The following ROCK1 variants were observed in gnomAD, a reference collection of about 807,000 sequenced individuals.
The protein encoded by ROCK1 is Rho associated coiled-coil containing protein kinase 1.
ROCK1 carries 36 observed loss-of-function variants against 196.8 expected under a neutral mutation model. That is an observed-to-expected ratio of 0.18 (90% CI 0.14 to 0.24). The LOEUF (loss-of-function observed/expected upper bound fraction) is 0.24. Ranked by LOEUF, ROCK1 falls within the 10% of genes least tolerant of loss-of-function variation. The pLI, the probability that ROCK1 is intolerant of heterozygous loss-of-function variation, is 1.00. For synonymous variants in ROCK1, 443 were observed against 515.9 expected (o/e 0.86, Z 1.91); for missense variants, 920 against 1,562.0 (o/e 0.59, Z 6.93).
intron 22 of ROCK1, 70 bp from the exon 23 acceptor site, chr18:20,970,583 TA>T: frequency 2.0e-6 from 2 of 1,001,970 alleles, no homozygotes; most frequent in Non-Finnish European, 2.9e-6. Flanking sequence ...ATCATATTCT[TA>T]AAAACACAAT....
chr18:21,107,187 T>C (rs540792910), intron 1 of ROCK1, among the ~76,000 whole-genome samples: 12 of 152,350 alleles, frequency 7.9e-5, no homozygotes, highest in Admixed American at 2.0e-4. Flanking sequence ...TTTCCACTTA[T>C]GGCGTCATGT....
intron 2 of ROCK1, among the ~76,000 whole-genome samples, chr18:21,050,269 T>A (rs868560482): frequency 6.6e-6 from 1 of 151,960 alleles, no homozygotes; most frequent in Non-Finnish European, 1.5e-5. Flanking sequence ...CTGGAATAAA[T>A]TTTTCTTTTT....
intron 9 of ROCK1, 94 bp downstream of exon 9, chr18:21,039,378 A>C: frequency 1.2e-6 from 1 of 819,098 alleles, no homozygotes; most frequent in Non-Finnish European, 2.0e-6. Context: ...GATTTTCATC[A>C]GATACACACA....
At chr18:21,002,483 A>G (rs2143429799) in intron 16 of ROCK1, among the ~76,000 whole-genome samples, 1 of 152,278 alleles carries the variant, frequency 6.6e-6, no homozygotes, top group African/African-American at 2.4e-5. Context: ...GAAATAACTC[A>G]CTGTTCCAAA....
intron 4 of ROCK1, among the ~76,000 whole-genome samples, chr18:21,047,919 C>CA (rs1204004369): frequency 2.6e-5 from 4 of 151,890 alleles, no homozygotes; most frequent in African/African-American, 9.7e-5. Flanking sequence ...ATCACAAAAA[C>CA]ATGTTAGAAA....
At chr18:21,087,147 G>C (rs144390621) in intron 1 of ROCK1, among the ~76,000 whole-genome samples, 1 of 152,042 alleles carries the variant, frequency 6.6e-6, no homozygotes, top group Non-Finnish European at 1.5e-5. Context: ...AATACCTAGA[G>C]TAACCAATTT....
chr18:21,104,459 C>A (rs371773429), intron 1 of ROCK1, among the ~76,000 whole-genome samples: 25 of 151,952 alleles, frequency 1.6e-4, no homozygotes, highest in Middle Eastern at 3.4e-3. Flanking sequence ...TAGCCGGGTG[C>A]GGTGGCGGGC....
intron 2 of ROCK1, among the ~76,000 whole-genome samples, chr18:21,058,977 G>A (rs2036266779): frequency 6.6e-6 from 1 of 152,020 alleles, no homozygotes; most frequent in Non-Finnish European, 1.5e-5. Flanking sequence ...ACATAGGCAC[G>A]CATCCACCCA....
intron 9 of ROCK1, among the ~76,000 whole-genome samples, chr18:21,031,169 C>T (rs138931563): frequency 2.6e-5 from 4 of 152,142 alleles, no homozygotes; most frequent in Admixed American, 6.5e-5. Context: ...AATCTGATTT[C>T]CAGAGTTACA....
At chr18:21,109,681 G>C (rs1016588429) in intron 1 of ROCK1, among the ~76,000 whole-genome samples, 12 of 152,164 alleles carry the variant, frequency 7.9e-5, no homozygotes, top group African/African-American at 1.9e-4. Flanking sequence ...TGGGAAGCTT[G>C]TTGTAAAACC....
intron 1 of ROCK1, among the ~76,000 whole-genome samples, chr18:21,085,934 G>C (rs753243680): frequency 5.9e-5 from 9 of 152,274 alleles, no homozygotes; most frequent in Admixed American, 1.3e-4. Context: ...ATAGGTATGG[G>C]TGAACACAAT....
intron 2 of ROCK1, among the ~76,000 whole-genome samples, chr18:21,067,055 C>A (rs1443350192): frequency 1.3e-5 from 2 of 152,172 alleles, no homozygotes; most frequent in Non-Finnish European, 2.9e-5. Context: ...GTACAGGGTT[C>A]CAGCTGCAAT....
intron 32 of ROCK1, among the ~76,000 whole-genome samples, chr18:20,951,770 A>G (rs539434716): frequency 3.0e-4 from 45 of 152,336 alleles, no homozygotes; most frequent in African/African-American, 1.0e-3. Context: ...ACAATAGGGC[A>G]TGAACAAAAG....
chr18:21,039,670 A>G, intron 8 of ROCK1, 107 bp from the exon 9 acceptor site: 1 of 738,044 alleles, frequency 1.4e-6, no homozygotes, highest in South Asian at 1.6e-5. Flanking sequence ...GACGACAAAT[A>G]TAGTTCTAAG....
At chr18:21,003,434 A>C (rs951659690) in intron 16 of ROCK1, among the ~76,000 whole-genome samples, 3 of 152,230 alleles carry the variant, frequency 2.0e-5, no homozygotes, top group African/African-American at 7.2e-5. Context: ...AGCACTAATT[A>C]GATATTTTAT....
At chr18:21,037,386 C>A (rs908214930) in intron 9 of ROCK1, among the ~76,000 whole-genome samples, 1 of 152,104 alleles carries the variant, frequency 6.6e-6, no homozygotes, top group East Asian at 1.9e-4. Flanking sequence ...TATTAGAAAG[C>A]AATTTTGCCA....
At position 21,037,126 on chromosome 18, in the gene ROCK1, C is replaced by T. The variant is rs1488962044; in HGVS notation, c.1051+2346G>A. 8.5e-5 allele frequency among the ~76,000 whole-genome samples: 13 copies of T among 152,222 alleles called. No individual in the cohort carries two copies. In the East Asian group the frequency reaches 2.3e-3, roughly 27 times the overall value. On this transcript the variant is annotated intron_variant, in intron 9 of 32. Transcript: ENST00000399799. Reference sequence around the variant, plus strand: ...GTAAGTTATTTAGGTCTTTTCATTTCTTTTGTCCTTCTCCTATCTTTGATC... The same window carrying T: ...GTAAGTTATTTAGGTCTTTTCATTTTTTTTGTCCTTCTCCTATCTTTGATC...
At chr18:21,081,156 TGACACAAA>T (rs2036479632) in intron 1 of ROCK1, among the ~76,000 whole-genome samples, 1 of 152,052 alleles carries the variant, frequency 6.6e-6, no homozygotes, top group Non-Finnish European at 1.5e-5. Flanking sequence ...AAGACCAAAA[TGACACAAA>T]GTATCTTTTC....
chr18:21,025,032 T>C (rs1261235180), intron 10 of ROCK1, among the ~76,000 whole-genome samples: 6 of 152,252 alleles, frequency 3.9e-5, no homozygotes, highest in Non-Finnish European at 8.8e-5. Flanking sequence ...CTTAACATGC[T>C]ATGTGACTGA....
Sources: gnomAD v4.1 joint callset for allele counts (sites outside exome capture counted in the v4.1 genomes callset) on GRCh38, gnomAD v4.1.1 for gene constraint, MANE v1.5 for transcripts, NCBI Gene and HGNC (gene_info 2026-07-23, HGNC 2026-07-21) for gene names.